Variants in INSR observed in about 807,000 individuals in gnomAD.
The protein encoded by INSR is insulin receptor.
INSR carries 67 observed loss-of-function variants against 142.6 expected under a neutral mutation model. The observed-to-expected ratio is 0.47, with a 90% CI of 0.39 to 0.58. INSR has a LOEUF of 0.58. Ranked by LOEUF, INSR falls within the 20% of genes least tolerant of loss-of-function variation. INSR has a pLI of 0.00. For synonymous variants in INSR, 756 were observed against 743.1 expected, an observed-to-expected ratio of 1.02 and a Z score of -0.28; for missense variants, 1,248 against 1,833.2, an observed-to-expected ratio of 0.68 and a Z score of 5.83.
intron 4 of INSR, 94 bp downstream of exon 4, chr19:7,174,489 G>C: frequency 7.2e-7 from 1 of 1,390,582 alleles, no homozygotes; most frequent in Non-Finnish European, 1.0e-6. Context: ...GTAGGAGCAC[G>C]CAGCAGGGTC....
rs746532200 is a variant in INSR, at chr19:7,114,495, A to G, written c.*2561T>C. On this transcript the variant is annotated 3_prime_UTR_variant, in exon 22 of 22. Coordinates refer to ENST00000302850, the MANE Select transcript of INSR (RefSeq NM_000208.4). ...GGAAGAAAAGGATCTATGCTCGCAT[A>G]AAGGCCATACCTTCTCCATCCCAAC... 6.6e-6 allele frequency: 1 copy of G among 152,558 alleles called. No homozygotes were observed. The highest frequency in any genetic ancestry group is 1.5e-5 in the Non-Finnish European group (1 of 68,026). 9.5% of individuals were successfully genotyped at this position (152,558 alleles called of 1,614,324 possible). A position where few individuals can be genotyped will look rare whatever the true frequency, so the allele number is the denominator to read the frequency against.
intron 1 of INSR, among the ~76,000 whole-genome samples, chr19:7,283,326 G>T (rs1968258200): frequency 6.6e-6 from 1 of 152,282 alleles, no homozygotes; most frequent in Non-Finnish European, 1.5e-5. Context: ...GACATCTCAT[G>T]AACTTTCCAA....
chr19:7,278,822 C>G (rs1052946240), intron 1 of INSR, among the ~76,000 whole-genome samples: 1 of 152,034 alleles, frequency 6.6e-6, no homozygotes, highest in South Asian at 2.1e-4. Context: ...AGTGAAACCC[C>G]ATGTCTACTA....
At chr19:7,239,241 T>G (rs1047628068) in intron 2 of INSR, among the ~76,000 whole-genome samples, 7 of 152,136 alleles carry the variant, frequency 4.6e-5, no homozygotes, top group African/African-American at 1.7e-4. Context: ...TTCAATCCCT[T>G]GTGCACCTCT....
intron 2 of INSR, among the ~76,000 whole-genome samples, chr19:7,241,484 T>C (rs1450704217): frequency 6.6e-6 from 1 of 151,864 alleles, no homozygotes; most frequent in Non-Finnish European, 1.5e-5. Context: ...TTGCCAGGCA[T>C]AGTGGCGTGC....
At chr19:7,254,684 G>C (rs1411063604) in intron 2 of INSR, among the ~76,000 whole-genome samples, 1 of 152,196 alleles carries the variant, frequency 6.6e-6, no homozygotes, top group Non-Finnish European at 1.5e-5. Flanking sequence ...CGCATTGAGA[G>C]AAACAGATCA....
intron 2 of INSR, among the ~76,000 whole-genome samples, chr19:7,217,668 T>G (rs1975476903): frequency 6.6e-6 from 1 of 152,206 alleles, no homozygotes; most frequent in Non-Finnish European, 1.5e-5. Flanking sequence ...CATGCCATTC[T>G]CCTGCCTCAG....
chr19:7,128,445 C>T (rs889781243), intron 15 of INSR, among the ~76,000 whole-genome samples: 1 of 151,920 alleles, frequency 6.6e-6, no homozygotes, highest in African/African-American at 2.4e-5. Context: ...AACTCCTGAC[C>T]TCAGGTGATT....
chr19:7,222,544 C>T (rs895359920), intron 2 of INSR, among the ~76,000 whole-genome samples: 2 of 152,128 alleles, frequency 1.3e-5, no homozygotes, highest in African/African-American at 4.8e-5. Context: ...CAGCCATGGG[C>T]CACCACAGCT....
intron 2 of INSR, among the ~76,000 whole-genome samples, chr19:7,228,980 A>AGGATGGATGGATGGAT (rs59628521): frequency 0.016 from 2,210 of 137,834 alleles, 91 homozygotes; most frequent in African/African-American, 0.055. Context: ...AGTAGACAGA[A>AGGATGGATGGATGGAT]GGATGGATGG....
intron 2 of INSR, among the ~76,000 whole-genome samples, chr19:7,193,153 T>C (rs1018631636): frequency 5.5e-4 from 83 of 151,402 alleles, no homozygotes; most frequent in Non-Finnish European, 1.1e-3. Context: ...AGTCTCACTC[T>C]TGTCCCTCAG....
chr19:7,159,544 G>C lies in INSR; in HGVS notation c.2029+3488C>G, dbSNP rs199530394. On this transcript the variant is annotated intron_variant, in intron 9 of 21. Coordinates refer to ENST00000302850, the MANE Select transcript of INSR (RefSeq NM_000208.4). The surrounding 1 kb of genome is among the most constrained non-coding windows in gnomAD (Gnocchi z 4.3). ...CTTTCGGAATTAAAAAAAAAAAAAA[G>C]GAAGCTTCGAGTGACATTACTGGTG... 6.7e-6 allele frequency: 1 copy of C among 148,164 alleles called. No homozygotes were observed. Among genetic ancestry groups the C allele is most frequent in the Non-Finnish European group, 1.5e-5 (1 of 67,666 alleles). 9.2% of individuals were successfully genotyped at this position (148,164 alleles called of 1,614,324 possible).
Position 7,151,164 on chromosome 19 carries a change from C to CTCTTTCCTTTCTTTTCT in INSR, c.2232-633_2232-632insAGAAAAGAAAGGAAAGA, listed in dbSNP as rs1169790764. On this transcript the variant is annotated intron_variant, in intron 10 of 21. Coordinates refer to ENST00000302850, the MANE Select transcript of INSR (RefSeq NM_000208.4). ...TTCTCTCTTTCCTTTCTTTCTTTCT[C>CTCTTTCCTTTCTTTTCT]TTTCTTTCTTTCTTTCTTTCTTTCT... 1.4e-3 allele frequency among the ~76,000 whole-genome samples: 7 copies of CTCTTTCCTTTCTTTTCT among 5,090 alleles called. No individual in the cohort carries two copies. In the South Asian group the frequency reaches 0.034, roughly 25 times the overall value. The allele number at this position is 5,090 out of a possible 152,430, so 3.3% of individuals were successfully genotyped here. A position where few individuals can be genotyped will look rare whatever the true frequency, so the allele number is the denominator to read the frequency against.
At chr19:7,153,700 A>G (rs141787108) in intron 9 of INSR, among the ~76,000 whole-genome samples, 6 of 152,208 alleles carry the variant, frequency 3.9e-5, no homozygotes, top group Admixed American at 6.5e-5. Context: ...CCTGGGTGAC[A>G]GAGTAGAACC....
chr19:7,261,497 G>GT (rs1156330355), intron 2 of INSR, among the ~76,000 whole-genome samples: 1 of 151,936 alleles, frequency 6.6e-6, no homozygotes, highest in Non-Finnish European at 1.5e-5. Flanking sequence ...CACATGCCAT[G>GT]TTTTTTTGTT....
intron 2 of INSR, among the ~76,000 whole-genome samples, chr19:7,224,123 T>C (rs983198918): frequency 6.6e-6 from 1 of 151,912 alleles, no homozygotes; most frequent in Non-Finnish European, 1.5e-5. Flanking sequence ...TTTGTATTTT[T>C]AGTAGAGACG....
intron 1 of INSR, among the ~76,000 whole-genome samples, chr19:7,284,674 G>A (rs1255739602): frequency 6.6e-6 from 1 of 151,902 alleles, no homozygotes; most frequent in African/African-American, 2.4e-5. Flanking sequence ...GACTACAGGC[G>A]CCCGCCACCA....
intron 9 of INSR, among the ~76,000 whole-genome samples, chr19:7,161,990 C>T (rs1973761032): frequency 6.6e-6 from 1 of 151,930 alleles, no homozygotes; most frequent in African/African-American, 2.4e-5. Context: ...TGAGACCAGC[C>T]TGGGCAATAT....
At chr19:7,242,270 G>C (rs771160484) in intron 2 of INSR, among the ~76,000 whole-genome samples, 3 of 152,110 alleles carry the variant, frequency 2.0e-5, no homozygotes, top group African/African-American at 7.2e-5. Flanking sequence ...TTGGGAGGCT[G>C]AAGCTTGAGG....
Sources: gnomAD v4.1 joint callset for allele counts (sites outside exome capture counted in the v4.1 genomes callset) on GRCh38, gnomAD v4.1.1 for gene constraint, Gnocchi (gnomAD v3.1) non-coding constraint, MANE v1.5 for transcripts, NCBI Gene and HGNC (gene_info 2026-07-23, HGNC 2026-07-21) for gene names.